GPAT3: variants seen among roughly 807,000 people sequenced by gnomAD.
GPAT3 encodes 1-AGP acyltransferase 9.
GPAT3 carries 53 observed loss-of-function variants against 58.8 expected under a neutral mutation model. That is an observed-to-expected ratio of 0.90 (90% CI 0.72 to 1.13). The LOEUF (loss-of-function observed/expected upper bound fraction) is 1.13, where lower values mean the gene tolerates loss of function less well. Ranked by LOEUF, GPAT3 falls within the 50% of genes most tolerant of loss-of-function variation. The pLI is 0.00. For synonymous variants in GPAT3, 197 were observed against 187.4 expected (o/e 1.05, Z -0.42); for missense variants, 511 against 527.6 (o/e 0.97, Z 0.31).
intron 1 of GPAT3, among the ~76,000 whole-genome samples, chr4:83,537,570 A>T (rs1304051826): frequency 1.3e-5 from 2 of 150,810 alleles, no homozygotes; most frequent in African/African-American, 2.5e-5. Flanking sequence ...TTTTAAAAAA[A>T]AATTTAATTA....
chr4:83,592,864 A>G (rs1423776851), intron 6 of GPAT3, among the ~76,000 whole-genome samples: 1 of 151,986 alleles, frequency 6.6e-6, no homozygotes, highest in Admixed American at 6.6e-5. Context: ...ATATATTTAT[A>G]TTTAACATTT....
chr4:83,535,596 C>A, upstream of GPAT3: 1 of 569,642 alleles, frequency 1.8e-6, no homozygotes, highest in Non-Finnish European at 2.2e-6. Flanking sequence ...TTGGAATCTT[C>A]CCCCAGAAAG....
At chr4:83,555,360 A>G (rs1724909912) in intron 2 of GPAT3, among the ~76,000 whole-genome samples, 2 of 152,060 alleles carry the variant, frequency 1.3e-5, no homozygotes, top group Non-Finnish European at 2.9e-5. Flanking sequence ...TCCCCTCCAT[A>G]TTGCTCCCCA....
chr4:83,546,379 G>GT (rs373055285), intron 2 of GPAT3, among the ~76,000 whole-genome samples: 49,403 of 136,010 alleles, frequency 0.36, 9,003 homozygotes, highest in Middle Eastern at 0.49. Context: ...CGTGGATTTA[G>GT]TTTTTTTTTT....
At chr4:83,578,873 C>CTTCT (rs1383689939) in intron 2 of GPAT3, among the ~76,000 whole-genome samples, 2 of 151,162 alleles carry the variant, frequency 1.3e-5, no homozygotes, top group Non-Finnish European at 3.0e-5. Flanking sequence ...TCCTTCCTTC[C>CTTCT]TTCCCTCCCT....
At chr4:83,544,951 T>G (rs1450982874) in intron 2 of GPAT3, among the ~76,000 whole-genome samples, 1 of 152,162 alleles carries the variant, frequency 6.6e-6, no homozygotes, top group Non-Finnish European at 1.5e-5. Flanking sequence ...AAACCTATTA[T>G]TGAGGTTTCG....
At chr4:83,565,249 C>T (rs984696774) in intron 2 of GPAT3, among the ~76,000 whole-genome samples, 1 of 151,114 alleles carries the variant, frequency 6.6e-6, no homozygotes, top group African/African-American at 2.4e-5. Flanking sequence ...TACAGGTGCC[C>T]ACCACTATGC....
At chr4:83,548,029 A>G (rs974141020) in intron 2 of GPAT3, among the ~76,000 whole-genome samples, 6 of 152,190 alleles carry the variant, frequency 3.9e-5, no homozygotes, top group African/African-American at 1.4e-4. Context: ...ACACAAAGAA[A>G]AAGGTAAATC....
intron 11 of GPAT3, among the ~76,000 whole-genome samples, chr4:83,599,312 A>T (rs1282595030): frequency 6.6e-6 from 1 of 152,078 alleles, no homozygotes; most frequent in African/African-American, 2.4e-5. Flanking sequence ...GGCTGTTCCA[A>T]CTCTACTCAG....
upstream of GPAT3, chr4:83,535,659 A>C: frequency 1.0e-6 from 1 of 974,910 alleles, no homozygotes; most frequent in South Asian, 4.7e-5. Context: ...ATGGCGGCTC[A>C]GTGGGCTAGG....
At chr4:83,565,140 G>A (rs1477955513) in intron 2 of GPAT3, among the ~76,000 whole-genome samples, 1 of 151,784 alleles carries the variant, frequency 6.6e-6, no homozygotes, top group East Asian at 1.9e-4. Context: ...TTGCTGTGTT[G>A]CCCAGGCTGG....
chr4:83,601,887 T>C (rs1267638752), intron 11 of GPAT3, among the ~76,000 whole-genome samples: 1 of 152,248 alleles, frequency 6.6e-6, no homozygotes, highest in Non-Finnish European at 1.5e-5. Context: ...GATTAAATGC[T>C]AGCTGACCAC....
chr4:83,602,854 A>G (rs1161025520), intron 11 of GPAT3, among the ~76,000 whole-genome samples: 1 of 152,236 alleles, frequency 6.6e-6, no homozygotes, highest in Non-Finnish European at 1.5e-5. Flanking sequence ...AAAGAGGCTT[A>G]TGTGGACAAT....
rs567215814 is a variant in GPAT3 at position 83,551,838 on chromosome 4, A to G, written c.208+7236A>G. Among the ~76,000 whole-genome samples the G allele has an allele frequency of 8.6e-4, 128 of 148,296 alleles. 1 individual carries two copies. The highest frequency in any genetic ancestry group is 3.1e-3 in the African/African-American group (123 of 39,302). On this transcript the variant is annotated intron_variant, in intron 2 of 11. Transcript: ENST00000264409. ...AATCTATCTATCTATCTATCTATCT[A>G]TCTATCTATCTGAAGCAAATATGAC...
chr4:83,571,157 A>G (rs1166118132), intron 2 of GPAT3, among the ~76,000 whole-genome samples: 1 of 152,216 alleles, frequency 6.6e-6, no homozygotes, highest in African/African-American at 2.4e-5. Context: ...TTTAAAAATA[A>G]TTGCTATGGA....
chr4:83,570,350 G>A (rs1725556530), intron 2 of GPAT3, among the ~76,000 whole-genome samples: 1 of 152,168 alleles, frequency 6.6e-6, no homozygotes, highest in East Asian at 1.9e-4. Flanking sequence ...CTGGCATCAG[G>A]AGACACTCAG....
intron 2 of GPAT3, among the ~76,000 whole-genome samples, chr4:83,579,071 TTTCTTTCTTCCC>T (rs1212292635): frequency 1.5e-4 from 4 of 26,724 alleles, no homozygotes; most frequent in Admixed American, 3.7e-4. Context: ...TCTTTCTTTC[TTTCTTTCTTCCC>T]TTCCTTCCTT....
chr4:83,543,502 C>T (rs1031328676), intron 1 of GPAT3, among the ~76,000 whole-genome samples: 1 of 152,110 alleles, frequency 6.6e-6, no homozygotes, highest in Admixed American at 6.5e-5. Flanking sequence ...ATATTCAAAA[C>T]AAAGTGAGAG....
At chr4:83,553,019 A>G (rs1257457301) in intron 2 of GPAT3, among the ~76,000 whole-genome samples, 1 of 152,162 alleles carries the variant, frequency 6.6e-6, no homozygotes, top group Non-Finnish European at 1.5e-5. Context: ...TTGGACTTCT[A>G]GCCTCCAGAC....
Sources: gnomAD v4.1 joint callset for allele counts (sites outside exome capture counted in the v4.1 genomes callset) on GRCh38, gnomAD v4.1.1 for gene constraint, MANE v1.5 for transcripts, NCBI Gene and HGNC (gene_info 2026-07-23, HGNC 2026-07-21) for gene names.